The following MITF variants were observed in gnomAD, a reference collection of about 807,000 sequenced individuals.
MITF encodes the protein melanocyte inducing transcription factor.
A neutral mutation model predicts 60.5 loss-of-function variants in MITF; 17 were observed. That is an observed-to-expected ratio of 0.28 (90% confidence interval 0.19 to 0.42). MITF has a LOEUF of 0.42. MITF is among the 10% of genes least tolerant of loss of function. The pLI, the probability that MITF is intolerant of heterozygous loss-of-function variation, is 1.00. For synonymous variants in MITF, 260 were observed against 248.5 expected (o/e 1.05, Z -0.43); for missense variants, 622 against 683.5 (o/e 0.91, Z 1.00).
At chr3:69,896,060 G>A (rs918789716) in intron 2 of MITF, among the ~76,000 whole-genome samples, 1 of 151,540 alleles carries the variant, frequency 6.6e-6, no homozygotes, top group African/African-American at 2.4e-5. Context: ...TGATAAACTT[G>A]GGCAAGTGAC....
chr3:69,866,259 A>G (rs376191280), intron 1 of MITF: 13 of 1,611,376 alleles, frequency 8.1e-6, no homozygotes, highest in African/African-American at 2.7e-5. Context: ...ACTCTTCGCC[A>G]AGGGCTTGCA....
chr3:69,761,964 C>T (rs2062218636), intron 1 of MITF, among the ~76,000 whole-genome samples: 1 of 152,098 alleles, frequency 6.6e-6, no homozygotes, highest in Admixed American at 6.5e-5. Context: ...ATCTCTTTTT[C>T]CCTCTCTCTT....
intron 1 of MITF, among the ~76,000 whole-genome samples, chr3:69,849,246 G>A (rs528958544): frequency 6.6e-6 from 1 of 152,066 alleles, no homozygotes; most frequent in Admixed American, 6.5e-5. Context: ...TTACAGGCGT[G>A]AGCCACCGCG....
chr3:69,946,790 G>A (rs916440712), intron 5 of MITF, among the ~76,000 whole-genome samples: 2 of 152,090 alleles, frequency 1.3e-5, no homozygotes, highest in African/African-American at 4.8e-5. Context: ...TTGCTATAGG[G>A]ATTTTAATTC....
chr3:69,771,012 C>T lies in MITF; in HGVS notation c.104+31311C>T, dbSNP rs536972372. Among the ~76,000 whole-genome samples, 5 of 152,248 alleles carry T rather than the reference C, an allele frequency of 3.3e-5. No individual in the cohort carries two copies. In the South Asian group the frequency reaches 8.3e-4, roughly 25 times the overall value. On this transcript the variant is annotated intron_variant, in intron 1 of 9. Transcript: ENST00000352241. ...GACATGACAAAAATATATACAGCACCACCGTAACTGACAGCAACCGCTTCT... is the reference window on the plus strand; with the variant it reads ...GACATGACAAAAATATATACAGCACTACCGTAACTGACAGCAACCGCTTCT...
At chr3:69,889,412 C>T (rs559071567) in intron 2 of MITF, among the ~76,000 whole-genome samples, 5 of 149,442 alleles carry the variant, frequency 3.3e-5, no homozygotes, top group East Asian at 3.9e-4. Flanking sequence ...AGATAATTCA[C>T]GAAAGCAGTG....
At chr3:69,944,222 C>T (rs2066038986) in intron 5 of MITF, among the ~76,000 whole-genome samples, 2 of 152,076 alleles carry the variant, frequency 1.3e-5, no homozygotes, top group African/African-American at 2.4e-5. Context: ...ATTAATTTAG[C>T]ATTTATGGAT....
intron 2 of MITF, among the ~76,000 whole-genome samples, chr3:69,906,864 G>A (rs1336694486): frequency 6.6e-6 from 1 of 152,120 alleles, no homozygotes; most frequent in Non-Finnish European, 1.5e-5. Context: ...ATGAAAATAG[G>A]AGCTGTCAAC....
In MITF at chr3:69,953,662, T is replaced by TATAGAG. The variant is rs1250294181; in HGVS notation, c.955+1777_955+1778insTAGAGA. ...ATATATGTATGTATATATATATATA[T>TATAGAG]AGAGAGAGAGAGAGAGAGAGAGAGA... is the stretch of plus-strand genomic sequence containing the variant. On this transcript the variant is annotated intron_variant, in intron 7 of 9. Transcript: ENST00000352241. Among the ~76,000 whole-genome samples, 554 of 136,538 alleles carry TATAGAG rather than the reference T, an allele frequency of 4.1e-3. 2 individuals are homozygous for TATAGAG. The highest frequency in any genetic ancestry group is 0.013 in the African/African-American group (495 of 37,666). 89.6% of individuals were successfully genotyped at this position (136,538 alleles called of 152,430 possible). A position where few individuals can be genotyped will look rare whatever the true frequency, so the allele number is the denominator to read the frequency against.
chr3:69,869,763 A>G (rs978802855), intron 1 of MITF, among the ~76,000 whole-genome samples: 2 of 152,170 alleles, frequency 1.3e-5, no homozygotes, highest in Middle Eastern at 3.2e-3. Flanking sequence ...GGTACAGCAC[A>G]ACTGCTTTGT....
intron 2 of MITF, among the ~76,000 whole-genome samples, chr3:69,899,538 C>G (rs1050457650): frequency 1.3e-5 from 2 of 152,192 alleles, no homozygotes; most frequent in African/African-American, 4.8e-5. Context: ...TTAGACCTTT[C>G]TGAACCAACA....
chr3:69,846,588 G>T (rs1342305517), intron 1 of MITF, among the ~76,000 whole-genome samples: 2 of 152,138 alleles, frequency 1.3e-5, no homozygotes, highest in Non-Finnish European at 2.9e-5. Context: ...GCCAAGGCAG[G>T]TAGATCACCT....
intron 1 of MITF, among the ~76,000 whole-genome samples, chr3:69,816,184 A>G (rs1235620442): frequency 1.2e-4 from 18 of 152,136 alleles, no homozygotes; most frequent in Admixed American, 7.9e-4. Flanking sequence ...ACACATTACT[A>G]TTCAGCCAAA....
intron 2 of MITF, among the ~76,000 whole-genome samples, chr3:69,912,776 G>T (rs754228527): frequency 6.6e-6 from 1 of 152,096 alleles, no homozygotes; most frequent in African/African-American, 2.4e-5. Context: ...CAAGGAATTT[G>T]GGCTGCATCT....
At chr3:69,863,627 T>A (rs2064057015) in intron 1 of MITF, among the ~76,000 whole-genome samples, 1 of 152,178 alleles carries the variant, frequency 6.6e-6, no homozygotes, top group Non-Finnish European at 1.5e-5. Flanking sequence ...TAAATCAGAG[T>A]TTCAGTTCTA....
At chr3:69,849,788 T>C (rs2063794742) in intron 1 of MITF, among the ~76,000 whole-genome samples, 1 of 152,194 alleles carries the variant, frequency 6.6e-6, no homozygotes, top group Non-Finnish European at 1.5e-5. Context: ...CTTTAGCTCT[T>C]TTTCCTAGCA....
chr3:69,871,283 A>G (rs1017408030), intron 1 of MITF, among the ~76,000 whole-genome samples: 7 of 152,212 alleles, frequency 4.6e-5, no homozygotes, highest in African/African-American at 1.4e-4. Flanking sequence ...AGGAATAGGG[A>G]TAACCCTTAC....
intron 1 of MITF, among the ~76,000 whole-genome samples, chr3:69,759,332 A>G (rs1274157426): frequency 6.6e-5 from 10 of 152,222 alleles, no homozygotes; most frequent in Admixed American, 6.5e-4. Context: ...CATACTGAAT[A>G]GAGGAGTCAC....
intron 2 of MITF, among the ~76,000 whole-genome samples, chr3:69,902,783 C>T (rs1575922681): frequency 2.6e-5 from 4 of 151,992 alleles, no homozygotes; most frequent in South Asian, 2.1e-4. Context: ...TATTAACTTG[C>T]GTTTGCCTTG....
Sources: gnomAD v4.1 joint callset for allele counts (sites outside exome capture counted in the v4.1 genomes callset) on GRCh38, gnomAD v4.1.1 for gene constraint, MANE v1.5 for transcripts, NCBI Gene and HGNC (gene_info 2026-07-23, HGNC 2026-07-21) for gene names.